The following GPC6 variants were observed in gnomAD, a reference collection of about 807,000 sequenced individuals.
GPC6 encodes the protein glypican 6, also known as glypican-6.
A neutral mutation model predicts 55.2 loss-of-function variants in GPC6; 14 were observed. That is an observed-to-expected ratio of 0.25 (90% confidence interval 0.17 to 0.40). The LOEUF (loss-of-function observed/expected upper bound fraction) is 0.40. Ranked by LOEUF, GPC6 falls within the 10% of genes least tolerant of loss-of-function variation. The pLI, the probability that GPC6 is intolerant of heterozygous loss-of-function variation, is 1.00. For missense variants in GPC6, 641 were observed against 708.5 expected (o/e 0.90, Z 1.08); for synonymous variants, 278 against 259.6 (o/e 1.07, Z -0.68).
intron 2 of GPC6, among the ~76,000 whole-genome samples, chr13:93,791,578 A>G (rs1355881915): frequency 6.6e-6 from 1 of 152,214 alleles, no homozygotes; most frequent in East Asian, 1.9e-4. Flanking sequence ...AGTCCCAACT[A>G]TGCACAGGCC....
At chr13:93,694,594 A>G (rs1882381078) in intron 2 of GPC6, among the ~76,000 whole-genome samples, 1 of 152,176 alleles carries the variant, frequency 6.6e-6, no homozygotes, top group Non-Finnish European at 1.5e-5. Flanking sequence ...GCCTAATCCA[A>G]GACTGACCAA....
At chr13:93,349,507 C>G (rs559494647) in intron 1 of GPC6, among the ~76,000 whole-genome samples, 40 of 151,976 alleles carry the variant, frequency 2.6e-4, no homozygotes, top group Non-Finnish European at 2.6e-4. Context: ...ATATAATCTC[C>G]GTGTGATTAA....
At chr13:93,395,323 C>T in intron 1 of GPC6, 1 of 476,652 alleles carries the variant, frequency 2.1e-6, no homozygotes, top group Non-Finnish European at 4.0e-6. Flanking sequence ...CTTGCTTTGA[C>T]AGGGTTTTCC....
intron 3 of GPC6, among the ~76,000 whole-genome samples, chr13:93,909,556 C>A (rs1270051075): frequency 1.3e-5 from 2 of 152,054 alleles, no homozygotes; most frequent in African/African-American, 4.8e-5. Flanking sequence ...CCAGCCAAGC[C>A]AGTTATCACA....
chr13:93,351,627 A>G (rs928190668), intron 1 of GPC6, among the ~76,000 whole-genome samples: 1 of 152,194 alleles, frequency 6.6e-6, no homozygotes, highest in Non-Finnish European at 1.5e-5. Flanking sequence ...TGGACAATTG[A>G]GATGATTGAT....
intron 1 of GPC6, among the ~76,000 whole-genome samples, chr13:93,527,101 A>G (rs1881678388): frequency 6.6e-6 from 1 of 151,926 alleles, no homozygotes; most frequent in Non-Finnish European, 1.5e-5. Context: ...TTTATATTTT[A>G]AAACAATGTT....
chr13:93,422,566 C>T (rs1025485292), intron 1 of GPC6, among the ~76,000 whole-genome samples: 1 of 152,084 alleles, frequency 6.6e-6, no homozygotes, highest in African/African-American at 2.4e-5. Context: ...GGTGTGGTTC[C>T]TTTCAGTCTT....
intron 2 of GPC6, among the ~76,000 whole-genome samples, chr13:93,697,440 A>G (rs557048452): frequency 6.6e-6 from 1 of 152,164 alleles, no homozygotes; most frequent in Admixed American, 6.6e-5. Flanking sequence ...AACATTTACT[A>G]CTATCCAACT....
intron 2 of GPC6, among the ~76,000 whole-genome samples, chr13:93,586,568 A>G (rs969726464): frequency 1.3e-5 from 2 of 152,214 alleles, no homozygotes; most frequent in African/African-American, 4.8e-5. Context: ...CATATGCAGA[A>G]GATTGAAACT....
intron 4 of GPC6, among the ~76,000 whole-genome samples, chr13:94,126,023 A>T: frequency 6.6e-6 from 1 of 152,158 alleles, no homozygotes; most frequent in East Asian, 1.9e-4. Context: ...TTAAACAATT[A>T]AAGAAAAATA....
At chr13:93,489,231 C>T (rs1258754518) in intron 1 of GPC6, among the ~76,000 whole-genome samples, 1 of 151,492 alleles carries the variant, frequency 6.6e-6, no homozygotes, top group Non-Finnish European at 1.5e-5. Flanking sequence ...ATACGGAATC[C>T]TTTCCCTATT....
chr13:93,442,473 A>G (rs1279530654), intron 1 of GPC6, among the ~76,000 whole-genome samples: 1 of 152,194 alleles, frequency 6.6e-6, no homozygotes, highest in Non-Finnish European at 1.5e-5. Flanking sequence ...TCTCTTTACT[A>G]TATACAATTT....
chr13:93,622,539 G>A (rs1018028501), intron 2 of GPC6, among the ~76,000 whole-genome samples: 36 of 152,160 alleles, frequency 2.4e-4, no homozygotes, highest in African/African-American at 8.7e-4. Flanking sequence ...TCTTAAATCA[G>A]AGACTGGAGG....
At chr13:94,062,132 AT>A (rs952859120) in intron 4 of GPC6, among the ~76,000 whole-genome samples, 248 of 151,508 alleles carry the variant, frequency 1.6e-3, no homozygotes, top group African/African-American at 3.0e-3. Context: ...AGAAACTAAT[AT>A]TTTTTTTTCG....
At chr13:93,687,842 C>T (rs1393802703) in intron 2 of GPC6, among the ~76,000 whole-genome samples, 6 of 151,504 alleles carry the variant, frequency 4.0e-5, no homozygotes, top group Admixed American at 1.3e-4. Context: ...TCATCCCTTC[C>T]GTATATTAAG....
chr13:94,241,426 T>C (rs1255485038), intron 4 of GPC6, among the ~76,000 whole-genome samples: 1 of 152,162 alleles, frequency 6.6e-6, no homozygotes, highest in Non-Finnish European at 1.5e-5. Flanking sequence ...AAGTCCTGCC[T>C]CCATGAGACT....
intron 2 of GPC6, among the ~76,000 whole-genome samples, chr13:93,708,739 T>C (rs1230165041): frequency 1.3e-5 from 2 of 151,748 alleles, no homozygotes; most frequent in Non-Finnish European, 2.9e-5. Context: ...AGCATATTTA[T>C]GGTAAGCCAG....
intron 4 of GPC6, among the ~76,000 whole-genome samples, chr13:94,248,614 C>A (rs151259660): frequency 1.7e-4 from 26 of 151,896 alleles, no homozygotes; most frequent in African/African-American, 5.6e-4. Context: ...TCATATAGGA[C>A]CCTCTAGTCA....
At chr13:93,691,215 C>T (rs1882244007) in intron 2 of GPC6, among the ~76,000 whole-genome samples, 1 of 151,982 alleles carries the variant, frequency 6.6e-6, no homozygotes, top group South Asian at 2.1e-4. Flanking sequence ...ATTTTTTCTC[C>T]AGCCTCCTTT....
Sources: allele counts gnomAD v4.1 joint callset (sites outside exome capture counted in the v4.1 genomes callset), GRCh38; gene constraint gnomAD v4.1.1; transcripts MANE v1.5; gene names NCBI Gene and HGNC (gene_info 2026-07-23, HGNC 2026-07-21).